NRXN3: variants seen among roughly 807,000 people sequenced by gnomAD.
NRXN3 encodes neurexin 3.
In NRXN3, 32 loss-of-function variants were observed where a neutral mutation model predicts 137.6. The ratio of observed to expected loss-of-function variants is 0.23; its 90% confidence interval spans 0.18 to 0.31. The LOEUF is 0.31. NRXN3 is among the 10% of genes least tolerant of loss of function. The probability of loss-of-function intolerance (pLI) is 1.00; values close to 1 mark genes in which losing one functional copy is unlikely to be tolerated. For missense variants in NRXN3, 1,574 were observed against 2,062.5 expected (o/e 0.76, Z 4.59); for synonymous variants, 798 against 784.5 (o/e 1.02, Z -0.29).
intron 15 of NRXN3, among the ~76,000 whole-genome samples, chr14:79,296,318 G>A (rs1465642644): frequency 6.6e-6 from 1 of 152,066 alleles, no homozygotes; most frequent in Non-Finnish European, 1.5e-5. Context: ...CTACCGTGGG[G>A]ATTTAGAGGG....
chr14:78,982,071 C>A (rs1442316525), intron 14 of NRXN3, among the ~76,000 whole-genome samples: 1 of 151,982 alleles, frequency 6.6e-6, no homozygotes, highest in African/African-American at 2.4e-5. Context: ...TCAAAGGACA[C>A]ACGGCCAATT....
chr14:79,035,355 C>T (rs953464392), intron 15 of NRXN3, among the ~76,000 whole-genome samples: 1 of 152,012 alleles, frequency 6.6e-6, no homozygotes, highest in African/African-American at 2.4e-5. Context: ...TTCATTTTCA[C>T]AAGGTTCTTG....
At chr14:79,007,228 C>A (rs2099554873) in intron 15 of NRXN3, among the ~76,000 whole-genome samples, 1 of 152,018 alleles carries the variant, frequency 6.6e-6, no homozygotes, top group Non-Finnish European at 1.5e-5. Context: ...GAGAATTAAC[C>A]AAGCATCTAC....
chr14:78,342,853 T>C (rs1474638899), intron 4 of NRXN3, among the ~76,000 whole-genome samples: 2 of 152,334 alleles, frequency 1.3e-5, no homozygotes, highest in Middle Eastern at 3.4e-3. Flanking sequence ...TTTGCTCATA[T>C]GCTTAAAAAC....
At position 79,861,465 on chromosome 14, in the gene NRXN3, C is replaced by T. The variant is rs759087126; in HGVS notation, c.4217C>T (p.Ser1406Phe). ...ETSRTTTTSL[S>F]PELIRFTASS... ...AGTAGGACTACTACCACATCTTTAT[C>T]CCCTGAGCTGATCCGCTTCACAGCT... The change falls in exon 21 of 21, where the codon TCC becomes TTC. Residue 1406 changes from serine to phenylalanine, a missense_variant. This residue lies in a region of NRXN3 where 320 missense variants were observed against 387.1 expected (regional missense o/e 0.83). Coordinates refer to ENST00000335750, the MANE Select transcript of NRXN3 (RefSeq NM_001330195.2). This position sits in a 1 kb window ranked among gnomAD's most constrained non-coding sequence, Gnocchi z 5.4. 3.3e-6 allele frequency: 5 copies of T among 1,536,976 alleles called. No individual in the cohort carries two copies. In the South Asian group the frequency reaches 4.8e-5, roughly 15 times the overall value.
At position 79,076,522 on chromosome 14, in the gene NRXN3, T is replaced by C. The variant is rs576621739; in HGVS notation, c.3262+88381T>C. On this transcript the variant is annotated intron_variant, in intron 15 of 20. Coordinates refer to ENST00000335750, the MANE Select transcript of NRXN3 (RefSeq NM_001330195.2). ...ACTGTTGGCCACAGATAATACTTCA[T>C]TGGCACAAGAGCCTTTCTACAGGAC... Among the ~76,000 whole-genome samples, 481 of 152,324 alleles carry C rather than the reference T, an allele frequency of 3.2e-3. 2 individuals carry two copies. Among genetic ancestry groups the C allele is most frequent in the Non-Finnish European group, 5.7e-3 (385 of 68,026 alleles).
intron 11 of NRXN3, 94 bp from the exon 12 acceptor site, chr14:78,965,931 T>C: frequency 7.4e-7 from 1 of 1,350,312 alleles, no homozygotes; most frequent in Non-Finnish European, 1.0e-6. Context: ...GAATATTCTG[T>C]GTGGAAACAG....
chr14:78,673,129 G>C (rs1447318430), intron 6 of NRXN3, among the ~76,000 whole-genome samples: 1 of 152,190 alleles, frequency 6.6e-6, no homozygotes, highest in African/African-American at 2.4e-5. Flanking sequence ...TGGATTTACT[G>C]CAGGTTAAAT....
intron 15 of NRXN3, among the ~76,000 whole-genome samples, chr14:79,306,774 T>A (rs1260289940): frequency 6.6e-6 from 1 of 152,120 alleles, no homozygotes; most frequent in East Asian, 1.9e-4. Flanking sequence ...AGATAGCATC[T>A]TGTTTGACTC....
At chr14:78,693,567 C>T (rs908883036) in intron 6 of NRXN3, among the ~76,000 whole-genome samples, 3 of 151,650 alleles carry the variant, frequency 2.0e-5, no homozygotes, top group African/African-American at 7.3e-5. Flanking sequence ...CACATATCAT[C>T]CCCAAGCCAA....
intron 8 of NRXN3, among the ~76,000 whole-genome samples, chr14:78,727,873 C>T (rs1004833274): frequency 1.3e-5 from 2 of 152,148 alleles, no homozygotes; most frequent in African/African-American, 2.4e-5. Context: ...ACCATAGGAA[C>T]ATCTTAGGGT....
chr14:78,220,358 G>A (rs2063721362), intron 1 of NRXN3, among the ~76,000 whole-genome samples: 2 of 151,810 alleles, frequency 1.3e-5, no homozygotes, highest in Non-Finnish European at 2.9e-5. Flanking sequence ...AGGGAGGAGG[G>A]GAGGCACCCG....
chr14:79,803,979 G>A (rs955607786), intron 19 of NRXN3, among the ~76,000 whole-genome samples: 64 of 144,682 alleles, frequency 4.4e-4, no homozygotes, highest in African/African-American at 1.5e-3. Context: ...ATGTATGTAT[G>A]TGTATATATA....
intron 16 of NRXN3, among the ~76,000 whole-genome samples, chr14:79,527,400 T>G (rs916127936): frequency 6.7e-6 from 1 of 150,218 alleles, no homozygotes; most frequent in Non-Finnish European, 1.5e-5. Flanking sequence ...CCCAAAATGA[T>G]GAGGAGATTG....
At chr14:78,794,606 TTGTG>T (rs144494895) in intron 8 of NRXN3, among the ~76,000 whole-genome samples, 3,164 of 147,040 alleles carry the variant, frequency 0.022, 109 homozygotes, top group African/African-American at 0.072. Flanking sequence ...TCTATTCTAT[TTGTG>T]TGTGTGTGTG....
intron 8 of NRXN3, among the ~76,000 whole-genome samples, chr14:78,716,240 C>T (rs971665962): frequency 6.6e-6 from 1 of 152,184 alleles, no homozygotes; most frequent in Non-Finnish European, 1.5e-5. Flanking sequence ...AAGGAGATTC[C>T]AGTCAAGCTA....
chr14:78,874,736 C>A (rs1465683084), intron 10 of NRXN3, among the ~76,000 whole-genome samples: 1 of 152,180 alleles, frequency 6.6e-6, no homozygotes, highest in Non-Finnish European at 1.5e-5. Context: ...TCTTTGCTGG[C>A]AGGTGTCATG....
At chr14:79,394,470 T>G (rs2094954643) in intron 15 of NRXN3, among the ~76,000 whole-genome samples, 1 of 152,206 alleles carries the variant, frequency 6.6e-6, no homozygotes, top group Non-Finnish European at 1.5e-5. Flanking sequence ...ACTAGCGTTT[T>G]TACTCAGGCA....
At chr14:78,396,963 C>A (rs975835883) in intron 4 of NRXN3, among the ~76,000 whole-genome samples, 2 of 152,100 alleles carry the variant, frequency 1.3e-5, no homozygotes, top group East Asian at 1.9e-4. Context: ...TCTCTCTCTT[C>A]CTCTTCCTAT....
Sources: allele counts gnomAD v4.1 joint callset (sites outside exome capture counted in the v4.1 genomes callset), GRCh38; gene constraint gnomAD v4.1.1; regional missense constraint gnomAD v4.1.1; non-coding constraint Gnocchi (gnomAD v3.1); transcripts MANE v1.5; gene names NCBI Gene and HGNC (gene_info 2026-07-23, HGNC 2026-07-21).